Variants in MSRA observed in about 807,000 individuals in gnomAD.
The protein encoded by MSRA is methionine sulfoxide reductase A, also known as mitochondrial peptide methionine sulfoxide reductase.
MSRA carries 54 observed loss-of-function variants against 31.3 expected under a neutral mutation model. That is an observed-to-expected ratio of 1.73 (90% CI 1.39 to 2.17). MSRA has a LOEUF of 2.17. Ranked by LOEUF, MSRA falls within the 30% of genes most tolerant of loss-of-function variation. The pLI is 0.00. For synonymous variants in MSRA, 169 were observed against 116.5 expected (o/e 1.45, Z -2.90); for missense variants, 507 against 300.9 (o/e 1.69, Z -5.07).
At chr8:10,338,597 A>G (rs1169641053) in intron 5 of MSRA, among the ~76,000 whole-genome samples, 1 of 152,250 alleles carries the variant, frequency 6.6e-6, no homozygotes, top group Non-Finnish European at 1.5e-5. Context: ...CATGCACTCC[A>G]TAAAGATATA....
intron 1 of MSRA, among the ~76,000 whole-genome samples, chr8:10,074,058 CTTTTTTTTTTTTTTTTTTT>C (rs534642712): frequency 3.8e-3 from 112 of 29,452 alleles, no homozygotes; most frequent in African/African-American, 9.9e-3. Flanking sequence ...AAGGGAGGTG[CTTTTTTTTTTTTTTTTTTT>C]TTTTTTTTTT....
At chr8:10,253,970 C>T (rs1190090904) in intron 3 of MSRA, among the ~76,000 whole-genome samples, 1 of 152,074 alleles carries the variant, frequency 6.6e-6, no homozygotes, top group Non-Finnish European at 1.5e-5. Context: ...GAGTGAAGCA[C>T]CCAGACGTGA....
intron 5 of MSRA, among the ~76,000 whole-genome samples, chr8:10,415,806 A>G (rs1465836993): frequency 6.6e-6 from 1 of 151,562 alleles, no homozygotes; most frequent in Non-Finnish European, 1.5e-5. Context: ...TGCTTGGAGC[A>G]TGCCCTTCAC....
At chr8:10,269,042 C>T (rs1585320855) in intron 3 of MSRA, among the ~76,000 whole-genome samples, 1 of 152,186 alleles carries the variant, frequency 6.6e-6, no homozygotes, top group Non-Finnish European at 1.5e-5. Context: ...CTTGCACAGT[C>T]GTTTGTCTCC....
intron 5 of MSRA, among the ~76,000 whole-genome samples, chr8:10,325,036 A>G (rs2129140779): frequency 6.6e-6 from 1 of 152,312 alleles, no homozygotes; most frequent in East Asian, 1.9e-4. Context: ...GGGCCCTTGC[A>G]GAACTGGGTA....
intron 1 of MSRA, among the ~76,000 whole-genome samples, chr8:10,078,030 G>T (rs999010395): frequency 6.6e-6 from 1 of 152,132 alleles, no homozygotes; most frequent in Admixed American, 6.5e-5. Context: ...ACCAATTTCT[G>T]TGAAGAGCAG....
chr8:10,368,208 A>G (rs1335616368), intron 5 of MSRA, among the ~76,000 whole-genome samples: 1 of 152,228 alleles, frequency 6.6e-6, no homozygotes, highest in Non-Finnish European at 1.5e-5. Context: ...TTCATTCCAT[A>G]CTGTGATGAT....
chr8:10,277,422 C>T (rs1269870786), intron 3 of MSRA, among the ~76,000 whole-genome samples: 1 of 152,174 alleles, frequency 6.6e-6, no homozygotes, highest in Admixed American at 6.5e-5. Flanking sequence ...TGCCTCTTTC[C>T]ATATTTCTAA....
In MSRA at chr8:10,283,818, TATATATATATATATATATACACAC is replaced by T. The variant is rs1396386947; in HGVS notation, c.332-17714_332-17691del. Among the ~76,000 whole-genome samples, 124 of 67,848 alleles carry T rather than the reference TATATATATATATATATATACACAC, an allele frequency of 1.8e-3. 2 individuals carry two copies. In the East Asian group the frequency reaches 0.056, roughly 31 times the overall value. The allele number at this position is 67,848 out of a possible 152,430, so 44.5% of individuals were successfully genotyped here. A position where few individuals can be genotyped will look rare whatever the true frequency, so the allele number is the denominator to read the frequency against. ...ATTCTATCTCATATATATATATATA[TATATATATATATATATATACACAC>T]ACACACACACACACACACACACACA... On this transcript the variant is annotated intron_variant, in intron 3 of 5. Coordinates refer to ENST00000317173, the MANE Select transcript of MSRA (RefSeq NM_012331.5).
intron 3 of MSRA, among the ~76,000 whole-genome samples, chr8:10,296,281 C>G (rs1471859657): frequency 6.6e-6 from 1 of 152,168 alleles, no homozygotes; most frequent in Non-Finnish European, 1.5e-5. Flanking sequence ...GTCCTTAAAT[C>G]TTGTGTTTTC....
chr8:10,200,753 G>A (rs1003647030), intron 1 of MSRA, among the ~76,000 whole-genome samples: 2 of 152,146 alleles, frequency 1.3e-5, no homozygotes, highest in Admixed American at 6.5e-5. Context: ...ACACCATATC[G>A]CACATTGTAG....
At chr8:10,095,487 G>C in intron 1 of MSRA, 1 of 985,440 alleles carries the variant, frequency 1.0e-6, no homozygotes, top group Non-Finnish European at 1.2e-6. Context: ...CAAGAATTCA[G>C]ACAGACTGGC....
At chr8:10,345,371 C>G (rs1256229635) in intron 5 of MSRA, among the ~76,000 whole-genome samples, 1 of 152,174 alleles carries the variant, frequency 6.6e-6, no homozygotes, top group East Asian at 1.9e-4. Flanking sequence ...GAGGTATTTT[C>G]CATGTCACAT....
At chr8:10,139,909 T>C (rs780734523) in intron 1 of MSRA, among the ~76,000 whole-genome samples, 1 of 152,228 alleles carries the variant, frequency 6.6e-6, no homozygotes, top group Non-Finnish European at 1.5e-5. Flanking sequence ...CATATTTTAT[T>C]TGTGTAGGGG....
intron 3 of MSRA, among the ~76,000 whole-genome samples, chr8:10,283,497 C>A (rs1056581045): frequency 6.6e-6 from 1 of 151,762 alleles, no homozygotes; most frequent in Non-Finnish European, 1.5e-5. Context: ...TACATGAGTG[C>A]ATTCTTTAGT....
chr8:10,140,908 G>GA (rs910275851), intron 1 of MSRA, among the ~76,000 whole-genome samples: 1 of 151,692 alleles, frequency 6.6e-6, no homozygotes, highest in Non-Finnish European at 1.5e-5. Flanking sequence ...CAGTAATAAA[G>GA]AAAAAAAATC....
intron 2 of MSRA, among the ~76,000 whole-genome samples, chr8:10,216,554 C>T (rs1810008224): frequency 6.6e-6 from 1 of 152,192 alleles, no homozygotes; most frequent in African/African-American, 2.4e-5. Flanking sequence ...AGGGAAGCTC[C>T]ATAGACACTA....
At chr8:10,130,613 T>C (rs1169813533) in intron 1 of MSRA, among the ~76,000 whole-genome samples, 1 of 152,222 alleles carries the variant, frequency 6.6e-6, no homozygotes, top group Admixed American at 6.5e-5. Flanking sequence ...GGCGTCACTA[T>C]GCACACACAC....
intron 3 of MSRA, among the ~76,000 whole-genome samples, chr8:10,287,215 C>T (rs1349728632): frequency 6.6e-6 from 1 of 152,128 alleles, no homozygotes; most frequent in Non-Finnish European, 1.5e-5. Flanking sequence ...TTAGTAGTTA[C>T]CATTAGCTCC....
Sources: gnomAD v4.1 joint callset for allele counts (sites outside exome capture counted in the v4.1 genomes callset) on GRCh38, gnomAD v4.1.1 for gene constraint, MANE v1.5 for transcripts, NCBI Gene and HGNC (gene_info 2026-07-23, HGNC 2026-07-21) for gene names.